Variants in CIB4 observed in about 807,000 individuals in gnomAD.
CIB4 encodes calcium and integrin binding family member 4.
CIB4 carries 25 observed loss-of-function variants against 25.8 expected under a neutral mutation model. The observed-to-expected ratio is 0.97, with a 90% confidence interval of 0.71 to 1.35. The LOEUF is 1.35. Among genes scored for constraint, CIB4 ranks in the 40% most tolerant of loss-of-function variants. The probability of loss-of-function intolerance (pLI) is 0.00; values close to 1 mark genes in which losing one functional copy is unlikely to be tolerated. For missense variants in CIB4, 235 were observed against 228.2 expected (o/e 1.03, Z -0.19); for synonymous variants, 75 against 81.4 (o/e 0.92, Z 0.42).
chr2:26,610,573 T>C (rs1275970), intron 3 of CIB4, among the ~76,000 whole-genome samples: 151,879 of 152,328 alleles, frequency 1, 75,718 homozygotes, highest in Middle Eastern at 1. Context: ...TGCTAAGGGC[T>C]CTGCCAGCCA....
chr2:26,641,319 A>G lies in CIB4; in HGVS notation c.-5T>C. 6.2e-7 allele frequency: 1 copy of G among 1,613,196 alleles called. No individual in the cohort carries two copies. The highest frequency in any genetic ancestry group is 8.5e-7 in the Non-Finnish European group (1 of 1,179,346). On this transcript the variant is annotated 5_prime_UTR_variant, in exon 1 of 7. Transcript: ENST00000288861. The stretch of plus-strand genomic sequence containing the variant: ...ATACCTCAAGCATTGCCCCATGCCA[A>G]CCACACCTTTCTGTCTGCCAGCAGT...
chr2:26,632,782 A>G (rs559013741), intron 2 of CIB4, among the ~76,000 whole-genome samples: 1 of 151,870 alleles, frequency 6.6e-6, no homozygotes, highest in South Asian at 2.1e-4. Context: ...AGAAAAAGAA[A>G]GAAAGGGTTA....
rs1439617883 is a variant in CIB4, at chr2:26,624,856, T to TA, written c.186+4553_186+4554insT. 7.6e-3 allele frequency among the ~76,000 whole-genome samples: 1,138 copies of TA among 149,640 alleles called. 12 individuals carry two copies. Among genetic ancestry groups the TA allele is most frequent in the African/African-American group, 0.025 (1,001 of 39,994 alleles). On this transcript the variant is annotated intron_variant, in intron 3 of 6. Transcript: ENST00000288861. ...TATTATGGTGTATATATATATATAT[T>TA]TTTTTTATATAGGCATTATAGTCAA...
intron 4 of CIB4, among the ~76,000 whole-genome samples, chr2:26,591,915 T>G (rs957848428): frequency 2.6e-5 from 4 of 152,170 alleles, no homozygotes; most frequent in Non-Finnish European, 4.4e-5. Context: ...GTGGGCAAGC[T>G]CATGAGCAGA....
chr2:26,628,885 G>T (rs1669359561), intron 3 of CIB4, among the ~76,000 whole-genome samples: 1 of 152,196 alleles, frequency 6.6e-6, no homozygotes. Flanking sequence ...TAATGGTCCT[G>T]CAGGGGATCC....
Position 26,581,357 on chromosome 2 carries a change from G to A in CIB4, c.*6C>T, listed in dbSNP as rs373720753. 44 of 1,612,980 alleles carry A rather than the reference G, an allele frequency of 2.7e-5. No homozygotes were observed. The highest frequency in any genetic ancestry group is 3.3e-4 in the Middle Eastern group (2 of 6,058). ...GAGGCTGCCATGTCAGGTGTTTGCC[G>A]CTACATCAGCATCCCCAGAAGTGAA... On this transcript the variant is annotated 3_prime_UTR_variant, in exon 7 of 7. Coordinates refer to ENST00000288861, the MANE Select transcript of CIB4 (RefSeq NM_001029881.3).
chr2:26,633,952 A>T (rs946429204), intron 2 of CIB4, among the ~76,000 whole-genome samples: 1 of 152,116 alleles, frequency 6.6e-6, no homozygotes, highest in African/African-American at 2.4e-5. Context: ...CCTCCAGTTT[A>T]GGTATCCTAT....
At chr2:26,621,265 A>AAC (rs1218661524) in intron 3 of CIB4, among the ~76,000 whole-genome samples, 5 of 151,840 alleles carry the variant, frequency 3.3e-5, no homozygotes, top group African/African-American at 1.2e-4. Context: ...AAAAAAAAAA[A>AAC]AAAAAACAGG....
Position 26,582,813 on chromosome 2 carries a change from A to C in CIB4, c.527+12T>G. The stretch of plus-strand genomic sequence containing the variant: ...TCTCCTGGACAGTCTCACCCCCTCC[A>C]GAATGCCTTACTTCATGAAATCTGG... On this transcript the variant is annotated intron_variant, in intron 6 of 6. Transcript: ENST00000288861. The C allele has an allele frequency of 6.3e-7, 1 of 1,583,022 alleles. No homozygotes were observed. The highest frequency in any genetic ancestry group is 8.7e-7 in the Non-Finnish European group (1 of 1,151,920).
chr2:26,587,982 T>A (rs539301190), intron 4 of CIB4, among the ~76,000 whole-genome samples: 1 of 152,306 alleles, frequency 6.6e-6, no homozygotes, highest in African/African-American at 2.4e-5. Context: ...AAGGTGTAAG[T>A]TCCCCTCACT....
At chr2:26,633,448 G>A (rs1395412574) in intron 2 of CIB4, among the ~76,000 whole-genome samples, 2 of 152,132 alleles carry the variant, frequency 1.3e-5, no homozygotes, top group African/African-American at 4.8e-5. Flanking sequence ...TCTTCGGGCT[G>A]TGCTGCCCAC....
At chr2:26,618,536 G>A (rs747655983) in intron 3 of CIB4, among the ~76,000 whole-genome samples, 25 of 152,192 alleles carry the variant, frequency 1.6e-4, no homozygotes, top group Non-Finnish European at 3.5e-4. Context: ...CTGGGCTCAA[G>A]TAATCCTCCC....
chr2:26,616,303 G>A (rs1004665977), intron 3 of CIB4, among the ~76,000 whole-genome samples: 19 of 152,220 alleles, frequency 1.2e-4, no homozygotes, highest in East Asian at 3.9e-4. Context: ...CTGGGTGAGC[G>A]AAGAGTGGAG....
rs1669335373 is a variant in CIB4 at position 26,627,700 on chromosome 2, T to C, written c.186+1710A>G. ...GTCACAGTCTCCGATTCACTCACCT[T>C]TCTGAGGTTTCTATTTCTTTCCCCT... On this transcript the variant is annotated intron_variant, in intron 3 of 6. Coordinates refer to ENST00000288861, the MANE Select transcript of CIB4 (RefSeq NM_001029881.3). The surrounding 1 kb of genome is among the most constrained non-coding windows in gnomAD (Gnocchi z 4.0). Among the ~76,000 whole-genome samples the C allele has an allele frequency of 6.6e-6, 1 of 152,166 alleles. No homozygotes were observed. The highest frequency in any genetic ancestry group is 1.5e-5 in the Non-Finnish European group (1 of 68,042).
intron 3 of CIB4, among the ~76,000 whole-genome samples, chr2:26,615,338 G>A (rs1180387834): frequency 3.3e-5 from 5 of 152,290 alleles, no homozygotes; most frequent in Non-Finnish European, 4.4e-5. Flanking sequence ...TTACCCATCC[G>A]TTGTCCCCTG....
chr2:26,599,626 AT>A (rs1399747993), intron 3 of CIB4, among the ~76,000 whole-genome samples: 1 of 152,232 alleles, frequency 6.6e-6, no homozygotes, highest in Non-Finnish European at 1.5e-5. Context: ...CATTAAAAAA[AT>A]CAAACAGTAT....
At chr2:26,603,816 G>A (rs1318480676) in intron 3 of CIB4, among the ~76,000 whole-genome samples, 1 of 148,338 alleles carries the variant, frequency 6.7e-6, no homozygotes, top group East Asian at 2.1e-4. Flanking sequence ...TGGGCAACAT[G>A]GCAAAAACCC....
chr2:26,585,487 T>C (rs1218197881), intron 4 of CIB4, among the ~76,000 whole-genome samples: 1 of 152,170 alleles, frequency 6.6e-6, no homozygotes, highest in African/African-American at 2.4e-5. Context: ...CTCCCAGCAG[T>C]CACCCAAGCC....
At chr2:26,598,805 A>G (rs1179059419) in intron 3 of CIB4, among the ~76,000 whole-genome samples, 1 of 152,158 alleles carries the variant, frequency 6.6e-6, no homozygotes, top group Non-Finnish European at 1.5e-5. Flanking sequence ...AGGGGCACCG[A>G]TAGTGCTGCG....
Sources: gnomAD v4.1 joint callset for allele counts (sites outside exome capture counted in the v4.1 genomes callset) on GRCh38, gnomAD v4.1.1 for gene constraint, Gnocchi (gnomAD v3.1) non-coding constraint, MANE v1.5 for transcripts, NCBI Gene and HGNC (gene_info 2026-07-23, HGNC 2026-07-21) for gene names.